TMEM217B: variants seen among roughly 807,000 people sequenced by gnomAD.
The protein encoded by TMEM217B is putative transmembrane protein 217B.
At chr6:37,218,097 C>T in the TMEM217B span, 1 of 1,027,266 alleles carries the variant, frequency 9.7e-7, no homozygotes, top group South Asian at 4.2e-5. Context: ...CCCTGGGAAT[C>T]TGAGAGACCT....
the TMEM217B span, among the ~76,000 whole-genome samples, chr6:37,215,610 A>C: frequency 5.3e-5 from 8 of 151,286 alleles, no homozygotes; most frequent in Admixed American, 4.0e-4. Flanking sequence ...AAGAAAAGAA[A>C]AAAGAAAACT....
chr6:37,212,945 T>C, the TMEM217B span: 1 of 1,550,160 alleles, frequency 6.5e-7, no homozygotes, highest in South Asian at 1.2e-5. Flanking sequence ...ATGCCCACCA[T>C]GAGGGAGAAC....
the TMEM217B span, among the ~76,000 whole-genome samples, chr6:37,240,914 G>T: frequency 6.6e-6 from 1 of 151,972 alleles, no homozygotes; most frequent in African/African-American, 2.4e-5. Flanking sequence ...TAACCTAGTA[G>T]TAGGTGAAAA....
chr6:37,257,432 C>T, the TMEM217B span: 1 of 153,562 alleles, frequency 6.5e-6, no homozygotes, highest in African/African-American at 2.4e-5. Context: ...ACACATGGGC[C>T]CTTACTTTTA....
chr6:37,250,538 T>C, the TMEM217B span, among the ~76,000 whole-genome samples: 1 of 152,250 alleles, frequency 6.6e-6, no homozygotes, highest in African/African-American at 2.4e-5. Flanking sequence ...CAACATTTAG[T>C]AAAGTGGAAG....
At chr6:37,254,635 C>G in the TMEM217B span, among the ~76,000 whole-genome samples, 1 of 152,182 alleles carries the variant, frequency 6.6e-6, no homozygotes, top group Non-Finnish European at 1.5e-5. Context: ...AATATGTGAA[C>G]AACATAGAAT....
the TMEM217B span, among the ~76,000 whole-genome samples, chr6:37,244,879 G>A: frequency 7.9e-5 from 12 of 152,190 alleles, no homozygotes; most frequent in African/African-American, 2.4e-4. Flanking sequence ...TAATTCATAC[G>A]TCAAAGGCTC....
the TMEM217B span, among the ~76,000 whole-genome samples, chr6:37,231,854 C>T: frequency 6.7e-6 from 1 of 150,144 alleles, no homozygotes; most frequent in Non-Finnish European, 1.5e-5. Flanking sequence ...TTCCCACTTT[C>T]AGACCATTAT....
the TMEM217B span, among the ~76,000 whole-genome samples, chr6:37,231,026 G>A: frequency 3.3e-5 from 5 of 151,938 alleles, no homozygotes; most frequent in African/African-American, 1.2e-4. Flanking sequence ...TTAAACCACT[G>A]TCACTAAATT....
chr6:37,220,791 G>C, the TMEM217B span, among the ~76,000 whole-genome samples: 1 of 152,034 alleles, frequency 6.6e-6, no homozygotes, highest in Admixed American at 6.6e-5. Context: ...TAAGGAACAA[G>C]GCACTGTGAG....
chr6:37,227,690 C>T, the TMEM217B span, among the ~76,000 whole-genome samples: 3 of 151,938 alleles, frequency 2.0e-5, no homozygotes, highest in African/African-American at 4.8e-5. Flanking sequence ...GTGATCCACC[C>T]GCCTCAGCCT....
chr6:37,246,068 C>T, the TMEM217B span, among the ~76,000 whole-genome samples: 1 of 152,098 alleles, frequency 6.6e-6, no homozygotes, highest in South Asian at 2.1e-4. Context: ...TCCCAAAGTG[C>T]TGGGATTACA....
the TMEM217B span, among the ~76,000 whole-genome samples, chr6:37,236,442 C>G: frequency 8.1e-4 from 124 of 152,168 alleles, 4 homozygotes; most frequent in East Asian, 0.024. Context: ...CAGGTTCAAT[C>G]CTGGGGTGGG....
At chr6:37,225,610 C>T in the TMEM217B span, among the ~76,000 whole-genome samples, 8 of 152,330 alleles carry the variant, frequency 5.3e-5, no homozygotes, top group South Asian at 1.5e-3. Flanking sequence ...AGATAGCAAA[C>T]GTCCTCTTTG....
chr6:37,214,069 C>A, the TMEM217B span, among the ~76,000 whole-genome samples: 3 of 152,236 alleles, frequency 2.0e-5, no homozygotes, highest in Non-Finnish European at 4.4e-5. Context: ...TCCCTCCAGC[C>A]CTCTCCTCTT....
the TMEM217B span, chr6:37,257,957 G>T: frequency 6.2e-7 from 1 of 1,614,116 alleles, no homozygotes. Context: ...GAAGAGGAGC[G>T]CTAAGCTGCC....
the TMEM217B span, among the ~76,000 whole-genome samples, chr6:37,235,028 T>A: frequency 6.6e-6 from 1 of 152,194 alleles, no homozygotes; most frequent in African/African-American, 2.4e-5. Context: ...CTGGTGTGGC[T>A]TTTTAAAAAA....
At chr6:37,212,279 G>A in the TMEM217B span, 35 of 349,322 alleles carry the variant, frequency 1.0e-4, no homozygotes, top group Non-Finnish European at 1.9e-4. Flanking sequence ...GCCCTCTCCC[G>A]AGAATCATTC....
the TMEM217B span, among the ~76,000 whole-genome samples, chr6:37,239,794 C>A: frequency 2.0e-5 from 3 of 151,568 alleles, no homozygotes; most frequent in Non-Finnish European, 4.4e-5. Flanking sequence ...GAGCCTAATT[C>A]ATCTATATCG....
Sources: gnomAD v4.1 joint callset for allele counts (sites outside exome capture counted in the v4.1 genomes callset) on GRCh38, gnomAD v4.1.1 for gene constraint, MANE v1.5 for transcripts, NCBI Gene and HGNC (gene_info 2026-07-23, HGNC 2026-07-21) for gene names.